FREM3: variants seen among roughly 807,000 people sequenced by gnomAD.
FREM3 encodes FRAS1-related extracellular matrix protein 3.
Under a neutral mutation model 129.1 loss-of-function variants are expected in FREM3, and 105 were observed. The ratio of observed to expected loss-of-function variants is 0.81; its 90% CI spans 0.69 to 0.96. The LOEUF is 0.96. Among genes scored for constraint, FREM3 ranks in the 40% least tolerant of loss-of-function variants. The pLI, the probability that FREM3 is intolerant of heterozygous loss-of-function variation, is 0.00. For synonymous variants in FREM3, 1,014 were observed against 1,044.9 expected, an observed-to-expected ratio of 0.97 and a Z score of 0.57; for missense variants, 2,593 against 2,666.3, an observed-to-expected ratio of 0.97 and a Z score of 0.61.
chr4:143,646,853 G>A (rs1044125601), intron 2 of FREM3, among the ~76,000 whole-genome samples: 1 of 152,154 alleles, frequency 6.6e-6, no homozygotes, highest in Non-Finnish European at 1.5e-5. Context: ...ACTGGCAGAG[G>A]TTGGAAGTTT....
chr4:143,687,120 TAG>T (rs1232680427), intron 2 of FREM3, among the ~76,000 whole-genome samples: 1 of 151,968 alleles, frequency 6.6e-6, no homozygotes, highest in Non-Finnish European at 1.5e-5. Context: ...TCAAGAAAAG[TAG>T]AGAGAAAATC....
chr4:143,691,511 A>G (rs576032149), intron 2 of FREM3, among the ~76,000 whole-genome samples: 22 of 152,328 alleles, frequency 1.4e-4, no homozygotes, highest in African/African-American at 5.1e-4. Context: ...GTAAGATGAC[A>G]GATTTGCGTT....
chr4:143,616,645 T>C (rs952849557), intron 5 of FREM3, among the ~76,000 whole-genome samples: 4 of 151,812 alleles, frequency 2.6e-5, no homozygotes, highest in African/African-American at 7.3e-5. Context: ...AAAAGAAAAT[T>C]AGCCGGGCGT....
At chr4:143,640,366 T>C (rs1739302481) in intron 2 of FREM3, among the ~76,000 whole-genome samples, 1 of 152,334 alleles carries the variant, frequency 6.6e-6, no homozygotes, top group Non-Finnish European at 1.5e-5. Flanking sequence ...CAAAGAAGAA[T>C]AGAATGAGCA....
chr4:143,697,885 G>T lies in FREM3; in HGVS notation c.2791C>A (p.Pro931Thr). Residue 931 changes from proline (P) to threonine (T), a missense_variant, in exon 1 of 8, where the codon CCA (proline) becomes ACA (threonine). Pro to Thr is a conservative substitution (Grantham distance 38). This residue lies in a region of FREM3 where 2,276 missense variants were observed against 2,267.2 expected (regional missense o/e 1.00). Transcript: ENST00000329798. ...DGVHHIPITI[P>T]ISVHPNVANR... is the part of the protein sequence containing the mutation. ...GCCACATTGGGATGCACAGAAATTG[G>T]GATGGTGATGGGTATATGGTGCACC... 1 of 1,537,878 alleles carries T rather than the reference G, an allele frequency of 6.5e-7. No individual in the cohort carries two copies. The highest frequency in any genetic ancestry group is 1.2e-5 in the South Asian group (1 of 84,056).
intron 6 of FREM3, among the ~76,000 whole-genome samples, chr4:143,609,987 T>A (rs1383246620): frequency 3.3e-5 from 5 of 152,140 alleles, no homozygotes; most frequent in Non-Finnish European, 7.3e-5. Flanking sequence ...TACATTTCCA[T>A]AAAGGAATAT....
intron 4 of FREM3, among the ~76,000 whole-genome samples, chr4:143,622,431 G>A (rs998583269): frequency 1.6e-4 from 24 of 146,228 alleles, no homozygotes; most frequent in Non-Finnish European, 7.5e-5. Flanking sequence ...TCCCATTTTG[G>A]AACTATTACT....
chr4:143,604,820 A>T (rs137926569), intron 6 of FREM3, among the ~76,000 whole-genome samples: 17 of 152,342 alleles, frequency 1.1e-4, no homozygotes, highest in Non-Finnish European at 2.5e-4. Flanking sequence ...CAGAATCTGA[A>T]TGCAAGTTCC....
At chr4:143,669,691 TG>T (rs1362825153) in intron 2 of FREM3, among the ~76,000 whole-genome samples, 1 of 151,980 alleles carries the variant, frequency 6.6e-6, no homozygotes, top group Non-Finnish European at 1.5e-5. Flanking sequence ...CCTAAGGACT[TG>T]TCCTTTATGC....
chr4:143,599,347 T>C (rs1456959733), intron 6 of FREM3, among the ~76,000 whole-genome samples: 2 of 152,124 alleles, frequency 1.3e-5, no homozygotes, highest in Non-Finnish European at 2.9e-5. Context: ...CTGGAAATAA[T>C]AGGCTTCTCA....
chr4:143,661,236 T>C (rs1190918953), intron 2 of FREM3, among the ~76,000 whole-genome samples: 2 of 152,232 alleles, frequency 1.3e-5, no homozygotes, highest in African/African-American at 4.8e-5. Context: ...TAGATAGCTC[T>C]TATTATTTTG....
chr4:143,594,786 A>G (rs1738438070), intron 6 of FREM3, among the ~76,000 whole-genome samples: 1 of 152,228 alleles, frequency 6.6e-6, no homozygotes, highest in Admixed American at 6.5e-5. Context: ...TGCTCTAGGT[A>G]TTGAGCATCA....
Position 143,696,023 on chromosome 4 carries a change from A to G in FREM3, c.4653T>C (p.Asp1551=). Residue 1551 remains aspartate (D), a synonymous_variant, in exon 1 of 8, where the codon GAT becomes GAC. Coordinates refer to ENST00000329798, the MANE Select transcript of FREM3 (RefSeq NM_001168235.2). ...TIHRLTLQKE[D]SQLITLLELT... is the part of the protein sequence containing the mutation. Reference sequence around the variant, plus strand: ...ACTCAAGGAGAGTGATCAGTTGGCTATCCTCTTTCTGTAGTGTTAGTCTAT... The same window carrying G: ...ACTCAAGGAGAGTGATCAGTTGGCTGTCCTCTTTCTGTAGTGTTAGTCTAT... 6.5e-7 allele frequency: 1 copy of G among 1,537,868 alleles called. No individual in the cohort carries two copies. The highest frequency in any genetic ancestry group is 8.7e-7 in the Non-Finnish European group (1 of 1,147,046).
chr4:143,589,175 G>T (rs536935704), intron 6 of FREM3, among the ~76,000 whole-genome samples: 41 of 152,118 alleles, frequency 2.7e-4, no homozygotes, highest in East Asian at 5.8e-4. Context: ...AAAAATTTTC[G>T]CCCATTCTGT....
rs754441323 is a variant in FREM3, at chr4:143,697,979, A to G, written c.2697T>C (p.Ser899=). 6.5e-7 allele frequency: 1 copy of G among 1,537,508 alleles called. No homozygotes were observed. The highest frequency in any genetic ancestry group is 1.2e-5 in the South Asian group (1 of 84,038). ...GGTCTCTGCCATGCTGGTAAGAGAC[A>G]CTCCCGTTAATAACATCAGCTTGCA... ...SFMQADVING[S]VSYQHGRDQT... is the part of the protein sequence containing the mutation. Residue 899 remains serine (S), a synonymous_variant, in exon 1 of 8, where the codon AGT becomes AGC. Coordinates refer to ENST00000329798, the MANE Select transcript of FREM3 (RefSeq NM_001168235.2).
At position 143,698,121 on chromosome 4, in the gene FREM3, A is replaced by T; in HGVS notation, c.2555T>A (p.Leu852Gln). 1 of 1,537,466 alleles carries T rather than the reference A, an allele frequency of 6.5e-7. No homozygotes were observed. The highest frequency in any genetic ancestry group is 8.7e-7 in the Non-Finnish European group (1 of 1,146,958). The stretch of plus-strand genomic sequence containing the variant: ...GTCTGTGTCTGGGTCTGTAACATGC[A>T]GCTCATTACTGCTGAGGTTAAAGCT... The part of the protein sequence containing the change: ...GGSFNLSSNE[L>Q]HVTDPDTDID... The change falls in exon 1 of 8, where the codon CTG becomes CAG. Residue 852 changes from leucine (L) to glutamine (Q), a missense_variant. Physicochemically the swap from Leu to Gln is moderately radical, Grantham distance 113 (BLOSUM62 -2). This residue lies in a region of FREM3 where 2,276 missense variants were observed against 2,267.2 expected (regional missense o/e 1.00). Coordinates refer to ENST00000329798, the MANE Select transcript of FREM3 (RefSeq NM_001168235.2).
In FREM3 at chr4:143,695,529, G is replaced by A. The variant is rs1740548687; in HGVS notation, c.5147C>T (p.Thr1716Ile). Residue 1716 changes from threonine to isoleucine, a missense_variant, in exon 1 of 8, where the codon ACT becomes ATT. Thr to Ile is a moderately conservative substitution (Grantham distance 89, BLOSUM62 -1). Transcript: ENST00000329798. ...TCGAGTGCTCTGGTTTCCAAGGCCA[G>A]TTTTGATAATGAAGCCATGCTCTGG... Reference protein sequence around the residue: ...RGPEHGFIIKTGLGNQSTRVF... With the variant: ...RGPEHGFIIKIGLGNQSTRVF... The A allele has an allele frequency of 1.3e-6, 2 of 1,537,526 alleles. No individual in the cohort carries two copies. Among genetic ancestry groups the A allele is most frequent in the Non-Finnish European group, 1.7e-6 (2 of 1,146,940 alleles).
chr4:143,610,867 G>A (rs367690714), intron 6 of FREM3, among the ~76,000 whole-genome samples: 3 of 152,226 alleles, frequency 2.0e-5, no homozygotes, highest in African/African-American at 7.2e-5. Flanking sequence ...CTGACACACT[G>A]GGCTCCATCT....
Position 143,663,894 on chromosome 4 carries a change from G to A in FREM3, c.5275+29219C>T, listed in dbSNP as rs1033989787. Among the ~76,000 whole-genome samples, 74 of 151,964 alleles carry A rather than the reference G, an allele frequency of 4.9e-4. 2 individuals are homozygous for A. Among genetic ancestry groups the A allele is most frequent in the Non-Finnish European group, 1.5e-4 (10 of 67,984 alleles). On this transcript the variant is annotated intron_variant, in intron 2 of 7. Coordinates refer to ENST00000329798, the MANE Select transcript of FREM3 (RefSeq NM_001168235.2). ...GATCGCATCGGCTCCTGAGGCTTCT[G>A]CATTCTTCACGTAGTTCTCGAGCCT...
Sources: allele counts gnomAD v4.1 joint callset (sites outside exome capture counted in the v4.1 genomes callset), GRCh38; gene constraint gnomAD v4.1.1; regional missense constraint gnomAD v4.1.1; transcripts MANE v1.5; gene names NCBI Gene and HGNC (gene_info 2026-07-23, HGNC 2026-07-21).